The following ROBO1 variants were observed in gnomAD, a reference collection of about 807,000 sequenced individuals.
The protein encoded by ROBO1 is roundabout guidance receptor 1.
Under a neutral mutation model 195.9 loss-of-function variants are expected in ROBO1, and 149 were observed. That is an observed-to-expected ratio of 0.76 (90% CI 0.67 to 0.87). The LOEUF (loss-of-function observed/expected upper bound fraction) is 0.87. Ranked by LOEUF, ROBO1 falls within the 40% of genes least tolerant of loss-of-function variation. The pLI, the probability that ROBO1 is intolerant of heterozygous loss-of-function variation, is 0.00. For missense variants in ROBO1, 1,933 were observed against 2,068.3 expected (o/e 0.93, Z 1.27); for synonymous variants, 816 against 733.2 (o/e 1.11, Z -1.82).
At chr3:79,748,859 A>C (rs1703992567) in intron 1 of ROBO1, among the ~76,000 whole-genome samples, 1 of 152,102 alleles carries the variant, frequency 6.6e-6, no homozygotes, top group African/African-American at 2.4e-5. Flanking sequence ...GTCCATTAAA[A>C]TCTCTTTTTC....
chr3:78,696,740 A>G (rs1254778467), intron 8 of ROBO1, among the ~76,000 whole-genome samples: 2 of 147,952 alleles, frequency 1.4e-5, no homozygotes, highest in East Asian at 3.9e-4. Flanking sequence ...ATATATACAT[A>G]TATATATACA....
intron 2 of ROBO1, among the ~76,000 whole-genome samples, chr3:79,387,602 A>G (rs2036798689): frequency 6.6e-6 from 1 of 151,972 alleles, no homozygotes; most frequent in Non-Finnish European, 1.5e-5. Context: ...ATTCCCGGTT[A>G]CTTTTGTATA....
intron 4 of ROBO1, among the ~76,000 whole-genome samples, chr3:78,899,317 C>T (rs1576366985): frequency 6.6e-6 from 1 of 152,238 alleles, no homozygotes; most frequent in East Asian, 1.9e-4. Context: ...GGGGAAATTT[C>T]ATTGCAAAGA....
chr3:79,365,603 A>G (rs2035940353), intron 2 of ROBO1, among the ~76,000 whole-genome samples: 1 of 152,112 alleles, frequency 6.6e-6, no homozygotes, highest in Non-Finnish European at 1.5e-5. Flanking sequence ...TTAAAACGGT[A>G]CTACTTTCCC....
At chr3:78,662,801 A>G (rs1191859346) in intron 14 of ROBO1, among the ~76,000 whole-genome samples, 1 of 152,212 alleles carries the variant, frequency 6.6e-6, no homozygotes, top group Non-Finnish European at 1.5e-5. Context: ...GGTTTAATAA[A>G]GAGTTCTTAA....
intron 2 of ROBO1, among the ~76,000 whole-genome samples, chr3:79,462,409 T>G (rs1050471638): frequency 1.3e-5 from 2 of 152,250 alleles, no homozygotes; most frequent in African/African-American, 2.4e-5. Context: ...GTTTTTATTT[T>G]GTTCTATTAC....
chr3:79,730,114 C>T (rs1560138657), intron 1 of ROBO1, among the ~76,000 whole-genome samples: 1 of 152,156 alleles, frequency 6.6e-6, no homozygotes, highest in Non-Finnish European at 1.5e-5. Flanking sequence ...CTACTAGGTG[C>T]TAAGGATCTT....
At chr3:78,973,300 T>C (rs2076809673) in intron 3 of ROBO1, among the ~76,000 whole-genome samples, 1 of 151,718 alleles carries the variant, frequency 6.6e-6, no homozygotes, top group Non-Finnish European at 1.5e-5. Context: ...TTTATCTCCT[T>C]GTCTTCCATT....
At chr3:78,936,673 GT>G (rs1451882861) in intron 4 of ROBO1, among the ~76,000 whole-genome samples, 2 of 152,058 alleles carry the variant, frequency 1.3e-5, no homozygotes, top group East Asian at 3.9e-4. Context: ...ATGGGGGAGG[GT>G]GTGCATAGGT....
intron 3 of ROBO1, among the ~76,000 whole-genome samples, chr3:79,004,277 CT>C (rs2077572028): frequency 6.6e-6 from 1 of 151,978 alleles, no homozygotes; most frequent in South Asian, 2.1e-4. Flanking sequence ...GTTCATTTTT[CT>C]GTTTTTAAAA....
At chr3:79,731,051 C>T (rs1703129685) in intron 1 of ROBO1, among the ~76,000 whole-genome samples, 1 of 152,012 alleles carries the variant, frequency 6.6e-6, no homozygotes, top group Non-Finnish European at 1.5e-5. Flanking sequence ...TGAGCCATTT[C>T]CTTTTCTACA....
intron 2 of ROBO1, among the ~76,000 whole-genome samples, chr3:79,379,469 G>A (rs1575748236): frequency 6.6e-6 from 1 of 152,060 alleles, no homozygotes. Flanking sequence ...TATCCCTTCA[G>A]GTCAGAACCA....
chr3:79,086,134 T>C (rs1404705925), intron 3 of ROBO1, among the ~76,000 whole-genome samples: 3 of 151,758 alleles, frequency 2.0e-5, no homozygotes. Context: ...TTAGGTGTTA[T>C]GTGGAATTTT....
At chr3:78,839,425 G>A (rs997918271) in intron 4 of ROBO1, among the ~76,000 whole-genome samples, 3 of 134,844 alleles carry the variant, frequency 2.2e-5, no homozygotes, top group African/African-American at 7.7e-5. Context: ...TCATTACTAT[G>A]AAAAAAGAAT....
intron 2 of ROBO1, among the ~76,000 whole-genome samples, chr3:79,345,613 A>G (rs989219088): frequency 6.6e-6 from 1 of 152,144 alleles, no homozygotes; most frequent in Non-Finnish European, 1.5e-5. Flanking sequence ...GAAAAGAGAT[A>G]AAGACCCACA....
chr3:79,268,464 G>A (rs1317587848), intron 2 of ROBO1, among the ~76,000 whole-genome samples: 1 of 151,492 alleles, frequency 6.6e-6, no homozygotes, highest in Non-Finnish European at 1.5e-5. Context: ...TGATGAAGAC[G>A]TTAACAATAT....
intron 1 of ROBO1, among the ~76,000 whole-genome samples, chr3:79,595,106 A>G (rs1041270656): frequency 1.3e-5 from 2 of 151,920 alleles, no homozygotes; most frequent in African/African-American, 4.8e-5. Context: ...TATATATAAC[A>G]TATTAGTTAT....
chr3:79,167,713 T>C (rs1004654397), intron 2 of ROBO1, among the ~76,000 whole-genome samples: 2 of 152,232 alleles, frequency 1.3e-5, no homozygotes, highest in African/African-American at 4.8e-5. Flanking sequence ...GCTAATCCAA[T>C]CTGAGCATTC....
At chr3:78,953,170 A>C (rs2040875713) in intron 3 of ROBO1, among the ~76,000 whole-genome samples, 1 of 152,024 alleles carries the variant, frequency 6.6e-6, no homozygotes. Context: ...AGACCCAAAT[A>C]TCATAGAAGC....
Sources: allele counts gnomAD v4.1 joint callset (sites outside exome capture counted in the v4.1 genomes callset), GRCh38; gene constraint gnomAD v4.1.1; transcripts MANE v1.5; gene names NCBI Gene and HGNC (gene_info 2026-07-23, HGNC 2026-07-21).